The following HEMK2 variants were observed in gnomAD, a reference collection of about 807,000 sequenced individuals.
HEMK2 encodes HemK methyltransferase 2, ETF1 glutamine and histone H4 lysine.
chr21:28,863,451 T>C, the HEMK2 span, among the ~76,000 whole-genome samples: 10 of 95,052 alleles, frequency 1.1e-4, no homozygotes, highest in Middle Eastern at 4.4e-3. Context: ...TATATATATA[T>C]ATATATATAT....
At chr21:28,639,616 C>A in the HEMK2 span, among the ~76,000 whole-genome samples, 7 of 152,062 alleles carry the variant, frequency 4.6e-5, no homozygotes, top group Non-Finnish European at 1.0e-4. Context: ...GATTTTATAA[C>A]CAAAAAGTCT....
chr21:28,686,311 C>A, the HEMK2 span, among the ~76,000 whole-genome samples: 1 of 151,990 alleles, frequency 6.6e-6, no homozygotes, highest in African/African-American at 2.4e-5. Context: ...CTCAGCTCAC[C>A]ACAACCTCTG....
chr21:28,771,932 C>T, the HEMK2 span, among the ~76,000 whole-genome samples: 2 of 151,700 alleles, frequency 1.3e-5, no homozygotes, highest in Non-Finnish European at 2.9e-5. Context: ...AGAGTGGTTA[C>T]CCTGGAACAT....
At chr21:28,715,251 C>T in the HEMK2 span, among the ~76,000 whole-genome samples, 3 of 152,256 alleles carry the variant, frequency 2.0e-5, no homozygotes, top group Non-Finnish European at 2.9e-5. Context: ...TTTACATTCC[C>T]ACCAGCAGTG....
the HEMK2 span, among the ~76,000 whole-genome samples, chr21:28,742,467 C>T: frequency 2.6e-5 from 4 of 152,080 alleles, no homozygotes; most frequent in African/African-American, 9.7e-5. Flanking sequence ...TTTCAAAACA[C>T]GTTGAGTTTA....
At chr21:28,835,594 A>G in the HEMK2 span, among the ~76,000 whole-genome samples, 3 of 152,144 alleles carry the variant, frequency 2.0e-5, no homozygotes, top group Non-Finnish European at 2.9e-5. Flanking sequence ...AACACCCCCA[A>G]AAAACCACAT....
At chr21:28,862,574 G>A in the HEMK2 span, among the ~76,000 whole-genome samples, 58 of 148,354 alleles carry the variant, frequency 3.9e-4, 5 homozygotes, top group Non-Finnish European at 8.0e-4. Context: ...GGGAAGCGGA[G>A]CTTGCAGTGA....
At chr21:28,812,221 T>C in the HEMK2 span, among the ~76,000 whole-genome samples, 15 of 152,308 alleles carry the variant, frequency 9.8e-5, no homozygotes, top group African/African-American at 3.6e-4. Flanking sequence ...CCCAGAGTTA[T>C]TTAATATTGA....
At chr21:28,884,716 T>C in the HEMK2 span, among the ~76,000 whole-genome samples, 1 of 152,122 alleles carries the variant, frequency 6.6e-6, no homozygotes, top group Non-Finnish European at 1.5e-5. Flanking sequence ...GGTGCTAGAG[T>C]ATGCTATTCA....
chr21:28,597,693 A>G, the HEMK2 span, among the ~76,000 whole-genome samples: 1 of 152,228 alleles, frequency 6.6e-6, no homozygotes, highest in African/African-American at 2.4e-5. Flanking sequence ...CTTATCAGAA[A>G]GAAGAGAAGT....
chr21:28,813,017 C>T, the HEMK2 span, among the ~76,000 whole-genome samples: 35 of 152,048 alleles, frequency 2.3e-4, no homozygotes, highest in Non-Finnish European at 4.1e-4. Flanking sequence ...CTGTTTGATT[C>T]TTCTCTCTTT....
chr21:28,672,994 A>G, the HEMK2 span, among the ~76,000 whole-genome samples: 1 of 118,684 alleles, frequency 8.4e-6, no homozygotes, highest in South Asian at 2.9e-4. Flanking sequence ...GAGAAAGAAA[A>G]AGAAAGAGAA....
At chr21:28,865,572 A>AT in the HEMK2 span, among the ~76,000 whole-genome samples, 2 of 152,176 alleles carry the variant, frequency 1.3e-5, no homozygotes, top group Non-Finnish European at 2.9e-5. Context: ...TGAGCACTGA[A>AT]TGCTGTTTCC....
chr21:28,696,245 T>C, the HEMK2 span, among the ~76,000 whole-genome samples: 1 of 152,132 alleles, frequency 6.6e-6, no homozygotes, highest in Non-Finnish European at 1.5e-5. Context: ...GGAGCTACAA[T>C]TCAAGATGGG....
chr21:28,846,591 T>G, the HEMK2 span, among the ~76,000 whole-genome samples: 2 of 152,158 alleles, frequency 1.3e-5, no homozygotes, highest in Admixed American at 6.5e-5. Context: ...TGGCCACATG[T>G]ATGTATTCTT....
chr21:28,689,419 T>C, the HEMK2 span, among the ~76,000 whole-genome samples: 19 of 151,770 alleles, frequency 1.3e-4, no homozygotes, highest in East Asian at 3.5e-3. Flanking sequence ...CTTTTTTGTC[T>C]TTTTTTTTCT....
At chr21:28,634,020 T>C in the HEMK2 span, among the ~76,000 whole-genome samples, 1 of 152,210 alleles carries the variant, frequency 6.6e-6, no homozygotes, top group African/African-American at 2.4e-5. Flanking sequence ...GTTTAATTGT[T>C]CAGCGTTTCA....
chr21:28,641,196 A>T, the HEMK2 span, among the ~76,000 whole-genome samples: 5 of 152,204 alleles, frequency 3.3e-5, no homozygotes. Flanking sequence ...TTGTGTTTTT[A>T]AAAGTCTAAA....
At chr21:28,801,860 A>G in the HEMK2 span, among the ~76,000 whole-genome samples, 14 of 152,346 alleles carry the variant, frequency 9.2e-5, no homozygotes, top group African/African-American at 3.4e-4. Flanking sequence ...GGATTAACAA[A>G]AAAAGAATCC....
Sources: allele counts gnomAD v4.1 joint callset (sites outside exome capture counted in the v4.1 genomes callset), GRCh38; gene constraint gnomAD v4.1.1; transcripts MANE v1.5; gene names NCBI Gene and HGNC (gene_info 2026-07-23, HGNC 2026-07-21).